The following ACTR3C variants were observed in gnomAD, a reference collection of about 807,000 sequenced individuals.
ACTR3C encodes the protein actin-related protein 3C.
In ACTR3C, 18 loss-of-function variants were observed where a neutral mutation model predicts 26.3. The observed-to-expected ratio is 0.68, with a 90% CI of 0.47 to 1.01. The LOEUF is 1.01. Among genes scored for constraint, ACTR3C ranks in the 50% least tolerant of loss-of-function variants. The pLI is 0.00. For missense variants in ACTR3C, 184 were observed against 250.7 expected (o/e 0.73, Z 1.80); for synonymous variants, 55 against 94.5 (o/e 0.58, Z 2.42).
At chr7:150,035,462 T>TACCC in the ACTR3C span, among the ~76,000 whole-genome samples, 2 of 20,966 alleles carry the variant, frequency 9.5e-5, 1 homozygote, top group East Asian at 3.4e-3. Flanking sequence ...GCCTCCCCCG[T>TACCC]TGCGATGGGG....
At chr7:150,306,839 A>G (rs990351287) in intron 1 of ACTR3C, among the ~76,000 whole-genome samples, 3 of 152,140 alleles carry the variant, frequency 2.0e-5, no homozygotes, top group African/African-American at 7.3e-5. Flanking sequence ...AAACAATTTA[A>G]TGGTTCCTTC....
the ACTR3C span, among the ~76,000 whole-genome samples, chr7:149,999,695 C>G: frequency 0.51 from 76,051 of 150,092 alleles, 20,528 homozygotes; most frequent in Non-Finnish European, 0.58. Flanking sequence ...GGCCAGCAAG[C>G]GGAGGCTGGG....
chr7:150,029,192 A>T, the ACTR3C span, among the ~76,000 whole-genome samples: 1 of 152,006 alleles, frequency 6.6e-6, no homozygotes, highest in Non-Finnish European at 1.5e-5. Context: ...GGCATCCTGC[A>T]GCTGCCCCTT....
At chr7:150,283,619 T>C (rs1471143443) in intron 6 of ACTR3C, among the ~76,000 whole-genome samples, 1 of 152,016 alleles carries the variant, frequency 6.6e-6, no homozygotes, top group South Asian at 2.1e-4. Context: ...ATGAAATATA[T>C]GTAAATTTTA....
chr7:149,996,244 G>A, the ACTR3C span, among the ~76,000 whole-genome samples: 15 of 151,874 alleles, frequency 9.9e-5, no homozygotes, highest in African/African-American at 3.6e-4. Flanking sequence ...AGGGGAGGGA[G>A]GAGAGGAAGG....
chr7:150,090,003 A>T, the ACTR3C span, among the ~76,000 whole-genome samples: 2 of 152,258 alleles, frequency 1.3e-5, no homozygotes, highest in Non-Finnish European at 2.9e-5. Flanking sequence ...TTGTATAAAT[A>T]AATTAAAAAG....
chr7:149,898,520 A>G, the ACTR3C span, among the ~76,000 whole-genome samples: 1 of 152,136 alleles, frequency 6.6e-6, no homozygotes, highest in African/African-American at 2.4e-5. Flanking sequence ...CCTGGCCAAC[A>G]TGATGAAACC....
the ACTR3C span, among the ~76,000 whole-genome samples, chr7:150,194,011 C>G: frequency 2.7e-5 from 4 of 149,664 alleles, no homozygotes; most frequent in East Asian, 3.9e-4. Flanking sequence ...CACACACACA[C>G]ACACACACAC....
At chr7:150,273,458 T>G (rs1276529519) in intron 6 of ACTR3C, among the ~76,000 whole-genome samples, 1 of 151,778 alleles carries the variant, frequency 6.6e-6, no homozygotes, top group Non-Finnish European at 1.5e-5. Flanking sequence ...TTTTGGTAGA[T>G]GGGGTCTCCC....
chr7:150,164,205 C>A, the ACTR3C span, among the ~76,000 whole-genome samples: 1 of 152,180 alleles, frequency 6.6e-6, no homozygotes, highest in Admixed American at 6.5e-5. Flanking sequence ...AGACGTGGAA[C>A]CCAGCAGCAG....
At chr7:150,278,148 C>G (rs1259838750) in intron 6 of ACTR3C, among the ~76,000 whole-genome samples, 1 of 152,126 alleles carries the variant, frequency 6.6e-6, no homozygotes, top group Non-Finnish European at 1.5e-5. Context: ...GATCGCGCTA[C>G]TCTCCTTCAC....
the ACTR3C span, among the ~76,000 whole-genome samples, chr7:150,069,165 G>T: frequency 6.6e-6 from 1 of 152,210 alleles, no homozygotes; most frequent in Non-Finnish European, 1.5e-5. Flanking sequence ...GAATATCTGT[G>T]ATTTTTTTTA....
the ACTR3C span, among the ~76,000 whole-genome samples, chr7:150,237,215 T>A: frequency 6.6e-6 from 1 of 152,240 alleles, no homozygotes; most frequent in Non-Finnish European, 1.5e-5. Context: ...GTCTTTCCCA[T>A]GCATTGCAGC....
chr7:149,917,522 A>C, the ACTR3C span, among the ~76,000 whole-genome samples: 3 of 152,044 alleles, frequency 2.0e-5, no homozygotes, highest in African/African-American at 7.2e-5. Context: ...ATATTTATAT[A>C]TAATTGAAAC....
the ACTR3C span, among the ~76,000 whole-genome samples, chr7:150,223,982 G>A: frequency 6.6e-6 from 1 of 152,174 alleles, no homozygotes; most frequent in Admixed American, 6.5e-5. Context: ...GCAGTTCTTT[G>A]TTGCCACTGG....
chr7:150,150,464 T>C, the ACTR3C span, among the ~76,000 whole-genome samples: 1 of 151,468 alleles, frequency 6.6e-6, no homozygotes, highest in Non-Finnish European at 1.5e-5. Context: ...TCAAATCTCA[T>C]TTCTCTGTGT....
chr7:150,154,165 T>C, the ACTR3C span, among the ~76,000 whole-genome samples: 1 of 151,066 alleles, frequency 6.6e-6, no homozygotes, highest in Admixed American at 6.6e-5. Context: ...ATGGCACATG[T>C]ATACATATGT....
At chr7:150,051,228 T>TGGTCCCACATATAAAA in the ACTR3C span, among the ~76,000 whole-genome samples, 1 of 152,024 alleles carries the variant, frequency 6.6e-6, no homozygotes, top group South Asian at 2.1e-4. Flanking sequence ...GAGGACACTG[T>TGGTCCCACATATAAAA]GGTCCCACAT....
At chr7:150,234,054 A>AT in the ACTR3C span, among the ~76,000 whole-genome samples, 1 of 151,968 alleles carries the variant, frequency 6.6e-6, no homozygotes, top group African/African-American at 2.4e-5. Context: ...TAGTATCCTT[A>AT]TTTTGTCTCC....
Sources: gnomAD v4.1 joint callset for allele counts (sites outside exome capture counted in the v4.1 genomes callset) on GRCh38, gnomAD v4.1.1 for gene constraint, MANE v1.5 for transcripts, NCBI Gene and HGNC (gene_info 2026-07-23, HGNC 2026-07-21) for gene names.